Variants in NCOA2 observed in about 807,000 individuals in gnomAD.
The protein encoded by NCOA2 is nuclear receptor coactivator 2, also known as class E basic helix-loop-helix protein 75.
NCOA2 carries 21 observed loss-of-function variants against 145.1 expected under a neutral mutation model. That is an observed-to-expected ratio of 0.14 (90% CI 0.10 to 0.21). The LOEUF is 0.21. NCOA2 is among the 10% of genes least tolerant of loss of function. NCOA2 has a pLI of 1.00. For missense variants in NCOA2, 1,472 were observed against 1,837.6 expected (o/e 0.80, Z 3.64); for synonymous variants, 619 against 637.5 (o/e 0.97, Z 0.44).
At chr8:70,445,495 T>C in the NCOA2 span, among the ~76,000 whole-genome samples, 1 of 152,196 alleles carries the variant, frequency 6.6e-6, no homozygotes, top group African/African-American at 2.4e-5. Flanking sequence ...CTGATCTCAC[T>C]GAGAAAAAAA....
chr8:70,299,287 C>T (rs906336044), intron 1 of NCOA2, among the ~76,000 whole-genome samples: 11 of 152,122 alleles, frequency 7.2e-5, no homozygotes, highest in Admixed American at 1.3e-4. Context: ...AAAGAAGCAT[C>T]TCGTTACTGC....
chr8:70,432,355 T>C, the NCOA2 span, among the ~76,000 whole-genome samples: 2 of 152,326 alleles, frequency 1.3e-5, no homozygotes, highest in African/African-American at 4.8e-5. Context: ...CCAACCAAAA[T>C]TGAACTCAGA....
intron 2 of NCOA2, among the ~76,000 whole-genome samples, chr8:70,282,408 G>A (rs948047721): frequency 3.3e-5 from 5 of 152,218 alleles, no homozygotes; most frequent in Middle Eastern, 3.4e-3. Flanking sequence ...CCATAAGGCC[G>A]GGCACGGAGG....
intron 2 of NCOA2, among the ~76,000 whole-genome samples, chr8:70,226,677 T>A (rs1035163205): frequency 3.8e-4 from 55 of 145,258 alleles, no homozygotes; most frequent in African/African-American, 1.3e-3. Context: ...TATATATATA[T>A]ATAAAACTAT....
At chr8:70,384,727 A>C (rs1175364539) in intron 1 of NCOA2, among the ~76,000 whole-genome samples, 1 of 152,198 alleles carries the variant, frequency 6.6e-6, no homozygotes, top group Non-Finnish European at 1.5e-5. Context: ...AACTCTATTG[A>C]CTTAAAACAC....
chr8:70,211,472 A>C (rs995369022), intron 4 of NCOA2, among the ~76,000 whole-genome samples: 8 of 152,234 alleles, frequency 5.3e-5, no homozygotes, highest in East Asian at 1.9e-4. Flanking sequence ...AAAGAAAAAA[A>C]AAGAAAAAAC....
intron 19 of NCOA2, 195 bp downstream of exon 19, chr8:70,126,618 C>T: frequency 1.7e-6 from 1 of 597,058 alleles, no homozygotes; most frequent in East Asian, 2.8e-5. Context: ...GAGCTGAGAG[C>T]CTGGAAGGTA....
chr8:70,278,607 C>A (rs1441400019), intron 2 of NCOA2, among the ~76,000 whole-genome samples: 1 of 152,120 alleles, frequency 6.6e-6, no homozygotes, highest in Admixed American at 6.5e-5. Flanking sequence ...ACAGGCTAAA[C>A]CCGCCTCAGC....
Position 70,308,510 on chromosome 8 carries a change from T to A in NCOA2, c.-76-11710A>T, listed in dbSNP as rs192847710. Among the ~76,000 whole-genome samples, 496 of 152,062 alleles carry A rather than the reference T, an allele frequency of 3.3e-3. 3 individuals carry two copies. Among genetic ancestry groups the A allele is most frequent in the South Asian group, 0.026 (125 of 4,826 alleles). On this transcript the variant is annotated intron_variant, in intron 1 of 22. Coordinates refer to ENST00000452400, the MANE Select transcript of NCOA2 (RefSeq NM_006540.4). ...GTGTGTGTATAAATATATATATATA[T>A]AAAACATGTATATACAAACACATAC...
chr8:70,368,036 C>G (rs1450970578), intron 1 of NCOA2, among the ~76,000 whole-genome samples: 1 of 152,136 alleles, frequency 6.6e-6, no homozygotes, highest in Non-Finnish European at 1.5e-5. Context: ...AGTAAATTTC[C>G]AAATGAAGAC....
At position 70,316,631 on chromosome 8, in the gene NCOA2, G is replaced by A. The variant is rs118154786; in HGVS notation, c.-76-19831C>T. Among the ~76,000 whole-genome samples, 60 of 152,202 alleles carry A rather than the reference G, an allele frequency of 3.9e-4. No individual in the cohort carries two copies. The East Asian group carries it at 0.011, about 27-fold the overall frequency. On this transcript the variant is annotated intron_variant, in intron 1 of 22. Transcript: ENST00000452400. ...CTCATGCTATGCCACATAACCAAAC[G>A]GAAACTTCAAGGTAGGAGATAGATC... is the stretch of plus-strand genomic sequence containing the variant.
At chr8:70,269,779 T>C (rs893951936) in intron 2 of NCOA2, among the ~76,000 whole-genome samples, 2 of 152,196 alleles carry the variant, frequency 1.3e-5, no homozygotes, top group Non-Finnish European at 2.9e-5. Context: ...TCATCAACAG[T>C]AAGAAAAATT....
At chr8:70,122,055 A>G (rs1176416921) in intron 21 of NCOA2, among the ~76,000 whole-genome samples, 2 of 152,212 alleles carry the variant, frequency 1.3e-5, no homozygotes, top group African/African-American at 4.8e-5. Flanking sequence ...ACATCAAATA[A>G]AAATGCATCA....
chr8:70,349,424 A>T (rs1303926307), intron 1 of NCOA2, among the ~76,000 whole-genome samples: 1 of 152,198 alleles, frequency 6.6e-6, no homozygotes, highest in African/African-American at 2.4e-5. Flanking sequence ...AGTTAAATTT[A>T]AAAATCTATG....
intron 2 of NCOA2, among the ~76,000 whole-genome samples, chr8:70,295,479 C>T (rs1474503265): frequency 6.6e-6 from 1 of 152,076 alleles, no homozygotes; most frequent in Non-Finnish European, 1.5e-5. Context: ...ATTGTAAGAA[C>T]CTTCTGGGAC....
At chr8:70,380,337 C>A (rs1040447876) in intron 1 of NCOA2, among the ~76,000 whole-genome samples, 7 of 152,094 alleles carry the variant, frequency 4.6e-5, no homozygotes, top group South Asian at 2.1e-4. Context: ...AACCTAAATT[C>A]TCTGTCAAGG....
At chr8:70,314,179 CCAAAAAAAAA>C (rs1469693689) in intron 1 of NCOA2, among the ~76,000 whole-genome samples, 1 of 19,740 alleles carries the variant, frequency 5.1e-5, no homozygotes, top group African/African-American at 3.0e-4. Flanking sequence ...GACTCTGACT[CCAAAAAAAAA>C]AAAAAAAAAA....
intron 10 of NCOA2, among the ~76,000 whole-genome samples, chr8:70,158,650 G>A (rs1430490970): frequency 6.6e-6 from 1 of 152,194 alleles, no homozygotes; most frequent in African/African-American, 2.4e-5. Context: ...TACTCAGGAG[G>A]TGGAGGCACA....
intron 1 of NCOA2, among the ~76,000 whole-genome samples, chr8:70,397,415 T>C (rs1474519017): frequency 6.9e-6 from 1 of 145,782 alleles, no homozygotes; most frequent in Non-Finnish European, 1.5e-5. Flanking sequence ...ATCACACCAC[T>C]GCACTCCAAC....
Sources: gnomAD v4.1 joint callset for allele counts (sites outside exome capture counted in the v4.1 genomes callset) on GRCh38, gnomAD v4.1.1 for gene constraint, MANE v1.5 for transcripts, NCBI Gene and HGNC (gene_info 2026-07-23, HGNC 2026-07-21) for gene names.